Variants in PCNX2 observed in about 807,000 individuals in gnomAD.
The protein encoded by PCNX2 is pecanex 2, also known as pecanex-like protein 2.
Under a neutral mutation model 223.8 loss-of-function variants are expected in PCNX2, and 168 were observed. That is an observed-to-expected ratio of 0.75 (90% CI 0.66 to 0.85). PCNX2 has a LOEUF of 0.85. Ranked by LOEUF, PCNX2 falls within the 40% of genes least tolerant of loss-of-function variation. PCNX2 has a pLI of 0.00. For missense variants in PCNX2, 2,507 were observed against 2,675.5 expected (o/e 0.94, Z 1.39); for synonymous variants, 1,006 against 1,052.6 (o/e 0.96, Z 0.86).
At chr1:233,161,456 A>C in intron 17 of PCNX2, 93 bp from the exon 18 acceptor site, 1 of 1,080,768 alleles carries the variant, frequency 9.3e-7, no homozygotes, top group Middle Eastern at 2.8e-4. Flanking sequence ...CATTGACCCA[A>C]GATAAACTGT....
At chr1:233,047,234 C>T (rs183396299) in intron 25 of PCNX2, 34 of 423,236 alleles carry the variant, frequency 8.0e-5, no homozygotes, top group Admixed American at 6.4e-4. Context: ...TCCTAAACCA[C>T]GAAGTTCTGT....
At chr1:233,242,521 A>G (rs1658833548) in intron 8 of PCNX2, among the ~76,000 whole-genome samples, 1 of 152,212 alleles carries the variant, frequency 6.6e-6, no homozygotes, top group South Asian at 2.1e-4. Context: ...TAGATTGCTT[A>G]TGACACCGTA....
chr1:233,104,198 C>T (rs1442543622), intron 21 of PCNX2, among the ~76,000 whole-genome samples: 1 of 151,982 alleles, frequency 6.6e-6, no homozygotes, highest in Non-Finnish European at 1.5e-5. Flanking sequence ...CCAAACATAT[C>T]AGTAATCTCA....
At chr1:233,012,445 C>A (rs1670502010) in intron 28 of PCNX2, among the ~76,000 whole-genome samples, 2 of 151,982 alleles carry the variant, frequency 1.3e-5, no homozygotes, top group Non-Finnish European at 2.9e-5. Flanking sequence ...AGTGAAAAAA[C>A]TGAAAGGAAA....
intron 17 of PCNX2, among the ~76,000 whole-genome samples, chr1:233,168,384 C>T (rs1047177853): frequency 6.6e-6 from 1 of 152,016 alleles, no homozygotes; most frequent in Non-Finnish European, 1.5e-5. Context: ...TATTTCTATG[C>T]ATATTTTATA....
intron 23 of PCNX2, among the ~76,000 whole-genome samples, chr1:233,071,169 TTTTTATC>T (rs1207009751): frequency 1.3e-5 from 2 of 152,208 alleles, no homozygotes; most frequent in African/African-American, 4.8e-5. Context: ...ATCTCTTTAT[TTTTTATC>T]TTTTAAGTTC....
the PCNX2 span, among the ~76,000 whole-genome samples, chr1:233,325,157 C>CA: frequency 1.3e-5 from 2 of 152,114 alleles, no homozygotes; most frequent in Non-Finnish European, 2.9e-5. Context: ...AATTGCTCTG[C>CA]TATGAGATAT....
At chr1:233,150,515 A>G (rs1677733823) in intron 19 of PCNX2, among the ~76,000 whole-genome samples, 1 of 152,204 alleles carries the variant, frequency 6.6e-6, no homozygotes, top group African/African-American at 2.4e-5. Flanking sequence ...AAAAACTTTC[A>G]TTTGTTTAAT....
intron 19 of PCNX2, among the ~76,000 whole-genome samples, chr1:233,159,953 C>T (rs1254335427): frequency 1.3e-5 from 2 of 152,172 alleles, no homozygotes; most frequent in Non-Finnish European, 2.9e-5. Flanking sequence ...TTTGTGGGAA[C>T]AGCATAATCT....
the PCNX2 span, among the ~76,000 whole-genome samples, chr1:233,304,018 T>A: frequency 6.6e-6 from 1 of 152,252 alleles, no homozygotes; most frequent in African/African-American, 2.4e-5. Flanking sequence ...TATCACGATT[T>A]TGAGTTTGTC....
At chr1:232,986,927 C>G (rs189605170) in intron 32 of PCNX2, among the ~76,000 whole-genome samples, 74 of 152,314 alleles carry the variant, frequency 4.9e-4, no homozygotes, top group African/African-American at 1.7e-3. Flanking sequence ...AACTTGGGCT[C>G]ATAAAGTAAA....
chr1:233,239,519 T>C (rs1658629067), intron 8 of PCNX2, among the ~76,000 whole-genome samples: 1 of 152,234 alleles, frequency 6.6e-6, no homozygotes, highest in Admixed American at 6.5e-5. Flanking sequence ...ATCTTTTGGG[T>C]CAGTTCTAGA....
chr1:233,024,737 T>C (rs1335049478), intron 26 of PCNX2, among the ~76,000 whole-genome samples: 1 of 152,250 alleles, frequency 6.6e-6, no homozygotes, highest in Non-Finnish European at 1.5e-5. Flanking sequence ...GTTCTCCTTA[T>C]GAGCTTAAAA....
chr1:233,288,803 C>A, intron 1 of PCNX2: 1 of 655,808 alleles, frequency 1.5e-6, no homozygotes. Context: ...GGAAAGATGC[C>A]CTTTTTTTTT....
chr1:233,169,011 A>C (rs1678972886), intron 17 of PCNX2, among the ~76,000 whole-genome samples: 2 of 152,038 alleles, frequency 1.3e-5, no homozygotes, highest in African/African-American at 4.8e-5. Flanking sequence ...TTCATTTTGG[A>C]GCTCAGATAT....
intron 32 of PCNX2, among the ~76,000 whole-genome samples, chr1:232,987,742 T>C (rs1297911965): frequency 6.6e-6 from 1 of 152,142 alleles, no homozygotes; most frequent in Non-Finnish European, 1.5e-5. Flanking sequence ...CGAAGGGGAT[T>C]CCAGGGTTCC....
rs1670061695 is a variant in PCNX2, at chr1:233,000,983, A to C, written c.5098-448T>G. ...TTACAGTGCTGTGCAGAGAAAGGAG[A>C]CCATATTTTTAAAGGCCATTTTTTC... On this transcript the variant is annotated intron_variant, in intron 29 of 33. Coordinates refer to ENST00000258229, the MANE Select transcript of PCNX2 (RefSeq NM_014801.4). This position sits in a 1 kb window ranked among gnomAD's most constrained non-coding sequence, Gnocchi z 4.6. 6.6e-6 allele frequency among the ~76,000 whole-genome samples: 1 copy of C among 152,090 alleles called. No homozygotes were observed. Among genetic ancestry groups the C allele is most frequent in the Non-Finnish European group, 1.5e-5 (1 of 68,016 alleles).
chr1:233,070,841 C>G (rs1008832334), intron 23 of PCNX2, among the ~76,000 whole-genome samples: 1 of 152,086 alleles, frequency 6.6e-6, no homozygotes, highest in African/African-American at 2.4e-5. Flanking sequence ...TCGAGACCAT[C>G]CTGGCTAACA....
intron 19 of PCNX2, among the ~76,000 whole-genome samples, chr1:233,151,787 G>A (rs1193711180): frequency 6.6e-6 from 1 of 152,152 alleles, no homozygotes; most frequent in Non-Finnish European, 1.5e-5. Flanking sequence ...TGATTCTCCT[G>A]CCTCAGCTTC....
Sources: allele counts gnomAD v4.1 joint callset (sites outside exome capture counted in the v4.1 genomes callset), GRCh38; gene constraint gnomAD v4.1.1; non-coding constraint Gnocchi (gnomAD v3.1); transcripts MANE v1.5; gene names NCBI Gene and HGNC (gene_info 2026-07-23, HGNC 2026-07-21).